Variants in DAB1 observed in about 807,000 individuals in gnomAD.
DAB1 encodes DAB adaptor protein 1, also known as disabled homolog 1.
DAB1 carries 15 observed loss-of-function variants against 64.6 expected under a neutral mutation model. The observed-to-expected ratio is 0.23, with a 90% CI of 0.16 to 0.36. The LOEUF is 0.36. Among genes scored for constraint, DAB1 ranks in the 10% least tolerant of loss-of-function variants. The pLI, the probability that DAB1 is intolerant of heterozygous loss-of-function variation, is 1.00. For synonymous variants in DAB1, 235 were observed against 251.9 expected (o/e 0.93, Z 0.64); for missense variants, 596 against 706.7 (o/e 0.84, Z 1.78).
intron 3 of DAB1, among the ~76,000 whole-genome samples, chr1:58,500,264 A>T (rs1295614388): frequency 1.3e-5 from 2 of 152,164 alleles, no homozygotes; most frequent in African/African-American, 4.8e-5. Context: ...ATTCAATTAC[A>T]GCAGCTGCTA....
chr1:57,968,688 T>C (rs1190463413), intron 5 of DAB1, among the ~76,000 whole-genome samples: 1 of 152,142 alleles, frequency 6.6e-6, no homozygotes, highest in Non-Finnish European at 1.5e-5. Flanking sequence ...TCTAAAAAAA[T>C]GAGAGATGGG....
At chr1:58,025,649 G>GTATATATATATA (rs1395128282) in intron 5 of DAB1, among the ~76,000 whole-genome samples, 1 of 115,062 alleles carries the variant, frequency 8.7e-6, no homozygotes, top group African/African-American at 3.7e-5. Context: ...ATATATATGT[G>GTATATATATATA]TGTATATATA....
At chr1:58,390,277 A>T (rs1189879261) in intron 3 of DAB1, among the ~76,000 whole-genome samples, 2 of 148,208 alleles carry the variant, frequency 1.3e-5, no homozygotes, top group African/African-American at 5.0e-5. Context: ...GTGAACCTCC[A>T]GCTGCCCCTT....
At chr1:57,092,303 T>C (rs994074096) in intron 4 of DAB1, among the ~76,000 whole-genome samples, 1 of 152,166 alleles carries the variant, frequency 6.6e-6, no homozygotes, top group Non-Finnish European at 1.5e-5. Context: ...TGGTTGATAT[T>C]GTTTGGCTGT....
rs1646626719 is a variant in DAB1, at chr1:57,680,752, C to T, written n.552-31087G>A. ...ATTCTCCTTTGCCATGTGTCTTAGT[C>T]CAACTAGAATGATGTCTAAGGATGT... On this transcript the variant is annotated intron_variant and non_coding_transcript_variant, in intron 6 of 20. Coordinates refer to the DAB1 transcript ENST00000485760. 1.3e-5 allele frequency among the ~76,000 whole-genome samples: 2 copies of T among 152,118 alleles called. 1 individual carries two copies. Among genetic ancestry groups the T allele is most frequent in the South Asian group, 4.1e-4 (2 of 4,826 alleles).
chr1:57,703,446 A>G lies in DAB1; in HGVS notation n.552-53781T>C, dbSNP rs532913491. On this transcript the variant is annotated intron_variant and non_coding_transcript_variant, in intron 6 of 20. Coordinates refer to the DAB1 transcript ENST00000485760. ...ATCATGTGGAAAGAAGCTCAGAATCACAGATCATTAGAGAAATACAAATCA... is the reference window on the plus strand; with the variant it reads ...ATCATGTGGAAAGAAGCTCAGAATCGCAGATCATTAGAGAAATACAAATCA... Among the ~76,000 whole-genome samples the G allele has an allele frequency of 1.5e-3, 221 of 152,358 alleles. 1 individual carries two copies. The highest frequency in any genetic ancestry group is 5.1e-3 in the African/African-American group (213 of 41,588).
intron 5 of DAB1, among the ~76,000 whole-genome samples, chr1:58,049,998 C>T (rs554370023): frequency 4.1e-4 from 63 of 152,196 alleles, no homozygotes; most frequent in African/African-American, 1.4e-3. Context: ...ATGCAGGGAA[C>T]TCTAAAGAAG....
chr1:57,352,950 C>T lies in DAB1; in HGVS notation c.-136-61784G>A, dbSNP rs534220144. 3.9e-5 allele frequency among the ~76,000 whole-genome samples: 6 copies of T among 151,992 alleles called. No individual in the cohort carries two copies. The South Asian group carries it at 6.2e-4, about 16-fold the overall frequency. On this transcript the variant is annotated intron_variant, in intron 1 of 14. Transcript: ENST00000371236. ...AACAAGAGAGAACAGTCCAAGAGAC[C>T]GCCTTTAGAATTCATCCGCACTGTT...
chr1:57,788,317 C>T (rs1650433925), intron 6 of DAB1, among the ~76,000 whole-genome samples: 1 of 152,162 alleles, frequency 6.6e-6, no homozygotes, highest in Non-Finnish European at 1.5e-5. Context: ...TGGGTGCATT[C>T]ACATGATGGG....
chr1:58,434,294 C>T (rs1345898125), intron 3 of DAB1, among the ~76,000 whole-genome samples: 1 of 151,490 alleles, frequency 6.6e-6, no homozygotes, highest in Non-Finnish European at 1.5e-5. Context: ...CCTGAGACTA[C>T]AGTAATAGTA....
chr1:57,088,369 C>T (rs931540497), intron 4 of DAB1, among the ~76,000 whole-genome samples: 7 of 152,190 alleles, frequency 4.6e-5, no homozygotes, highest in Non-Finnish European at 8.8e-5. Context: ...GTGAGCCTGG[C>T]CCCACTAACA....
chr1:58,540,446 C>G lies in DAB1; in HGVS notation n.32+6257G>C, dbSNP rs190649777. ...AACTAACTCCTAAATAAACAAATAA[C>G]AGCATTAGTAGATAAGGATATTAGT... On this transcript the variant is annotated intron_variant and non_coding_transcript_variant, in intron 1 of 20. Coordinates refer to the DAB1 transcript ENST00000485760. Among the ~76,000 whole-genome samples the G allele has an allele frequency of 6.1e-3, 919 of 151,726 alleles. 14 individuals carry two copies. The highest frequency in any genetic ancestry group is 0.021 in the African/African-American group (871 of 41,334).
At chr1:57,009,922 T>G (rs1044092247) in intron 14 of DAB1, among the ~76,000 whole-genome samples, 1 of 152,198 alleles carries the variant, frequency 6.6e-6, no homozygotes, top group African/African-American at 2.4e-5. Context: ...TTGGTGGCAA[T>G]CCACATGCTG....
rs533464968 is a variant in DAB1, at chr1:57,950,339, T to A, written n.388-66177A>T. 2.0e-5 allele frequency among the ~76,000 whole-genome samples: 3 copies of A among 152,234 alleles called. No homozygotes were observed. In the East Asian group the frequency reaches 5.8e-4, roughly 29 times the overall value. On this transcript the variant is annotated intron_variant and non_coding_transcript_variant, in intron 5 of 20. Transcript: ENST00000485760. ...GCACATAGCAAATCCTTAATAAATGTTAGCAATTTTTCTATATTCACCCAC... is the reference window on the plus strand; with the variant it reads ...GCACATAGCAAATCCTTAATAAATGATAGCAATTTTTCTATATTCACCCAC...
chr1:58,033,583 T>C (rs539573721), intron 5 of DAB1, among the ~76,000 whole-genome samples: 4 of 152,354 alleles, frequency 2.6e-5, no homozygotes, highest in African/African-American at 9.6e-5. Flanking sequence ...ATATTTCTGA[T>C]ACAATACTAC....
At chr1:58,277,741 C>G (rs927418561) in intron 4 of DAB1, among the ~76,000 whole-genome samples, 3 of 152,190 alleles carry the variant, frequency 2.0e-5, no homozygotes, top group Admixed American at 6.5e-5. Flanking sequence ...TCTTCTGCAG[C>G]CTCATCAGTG....
intron 5 of DAB1, among the ~76,000 whole-genome samples, chr1:57,904,175 A>G (rs2101998997): frequency 6.6e-6 from 1 of 152,270 alleles, no homozygotes; most frequent in African/African-American, 2.4e-5. Flanking sequence ...CATTCCTAAC[A>G]AGTTCCTAGG....
intron 1 of DAB1, among the ~76,000 whole-genome samples, chr1:57,857,822 TTTATCAGTA>T (rs1395375157): frequency 6.7e-6 from 1 of 149,166 alleles, no homozygotes; most frequent in Non-Finnish European, 1.5e-5. Context: ...GTATTGCAGT[TTTATCAGTA>T]TGGAATCATA....
At chr1:57,042,940 C>T (rs1647984126) in intron 9 of DAB1, among the ~76,000 whole-genome samples, 1 of 152,040 alleles carries the variant, frequency 6.6e-6, no homozygotes, top group Non-Finnish European at 1.5e-5. Context: ...TCTACCCTGC[C>T]ATTTGGCCAA....
Sources: gnomAD v4.1 joint callset for allele counts (sites outside exome capture counted in the v4.1 genomes callset) on GRCh38, gnomAD v4.1.1 for gene constraint, MANE v1.5 for transcripts, NCBI Gene and HGNC (gene_info 2026-07-23, HGNC 2026-07-21) for gene names.